GABPB1: variants seen among roughly 807,000 people sequenced by gnomAD.
GABPB1 encodes the protein GA binding protein transcription factor subunit beta 1.
GABPB1 carries 15 observed loss-of-function variants against 45.9 expected under a neutral mutation model. The ratio of observed to expected loss-of-function variants is 0.33; its 90% CI spans 0.22 to 0.50. The LOEUF is 0.50. GABPB1 is among the 20% of genes least tolerant of loss of function. The pLI, the probability that GABPB1 is intolerant of heterozygous loss-of-function variation, is 0.98. For missense variants in GABPB1, 252 were observed against 457.5 expected, an observed-to-expected ratio of 0.55 and a Z score of 4.10; for synonymous variants, 143 against 154.4, an observed-to-expected ratio of 0.93 and a Z score of 0.55.
intron 8 of GABPB1, among the ~76,000 whole-genome samples, chr15:50,281,360 C>CCT (rs2045966039): frequency 6.6e-6 from 1 of 151,870 alleles, no homozygotes; most frequent in African/African-American, 2.4e-5. Context: ...TATAGGCGCA[C>CCT]GCCACCATGC....
chr15:50,304,119 T>G lies in GABPB1; in HGVS notation c.123A>C (p.Pro41=). Residue 41 remains proline (P), a synonymous_variant, in exon 3 of 9, where the codon CCA becomes CCC. Transcript: ENST00000380877. Reference sequence around the variant, plus strand: ...GACCATACTGTGCTGCTAGATGAAGTGGAGAAGTTCCCAGCTGTACCACAG... The same window carrying G: ...GACCATACTGTGCTGCTAGATGAAGGGGAGAAGTTCCCAGCTGTACCACAG... ...PFTTDWLGTS[P]LHLAAQYGHY... is the part of the protein sequence containing the mutation. 1.3e-6 allele frequency: 2 copies of G among 1,592,236 alleles called. No homozygotes were observed. The highest frequency in any genetic ancestry group is 1.7e-6 in the Non-Finnish European group (2 of 1,172,248).
chr15:50,276,282 T>C lies in GABPB1; in HGVS notation c.*2350A>G, dbSNP rs2045838054. The C allele has an allele frequency of 1.3e-5, 2 of 152,256 alleles. No individual in the cohort carries two copies. Among genetic ancestry groups the C allele is most frequent in the African/African-American group, 2.4e-5 (1 of 41,470 alleles). The allele number at this position is 152,256 out of a possible 1,614,324, so 9.4% of individuals were successfully genotyped here. Reference sequence around the variant, plus strand: ...CCTCTGTTCAGAGCACTATTGAGAATGACTAGAATGCAAAGCTTTTACAGC... The same window carrying C: ...CCTCTGTTCAGAGCACTATTGAGAACGACTAGAATGCAAAGCTTTTACAGC... On this transcript the variant is annotated 3_prime_UTR_variant, in exon 9 of 9. Transcript: ENST00000380877.
At chr15:50,292,500 A>G (rs993098916) in intron 6 of GABPB1, among the ~76,000 whole-genome samples, 1 of 152,056 alleles carries the variant, frequency 6.6e-6, no homozygotes, top group Non-Finnish European at 1.5e-5. Context: ...ATCTACCTGA[A>G]AAGACCCGGC....
intron 2 of GABPB1, among the ~76,000 whole-genome samples, chr15:50,305,343 GTTGT>G (rs2046910123): frequency 7.6e-6 from 1 of 131,304 alleles, no homozygotes; most frequent in South Asian, 2.1e-4. Context: ...TTGTTTAATT[GTTGT>G]TTGTTTAATT....
At chr15:50,297,189 G>A (rs1299363656) in intron 6 of GABPB1, among the ~76,000 whole-genome samples, 1 of 150,154 alleles carries the variant, frequency 6.7e-6, no homozygotes, top group African/African-American at 2.5e-5. Context: ...GGGATTACAG[G>A]TGTGAGCCAC....
intron 1 of GABPB1, among the ~76,000 whole-genome samples, chr15:50,323,464 G>C (rs1266416984): frequency 6.6e-6 from 1 of 152,148 alleles, no homozygotes; most frequent in African/African-American, 2.4e-5. Context: ...GCAAGAAGTG[G>C]CTGAGGACCC....
At chr15:50,345,620 G>A (rs190736240) in intron 1 of GABPB1, among the ~76,000 whole-genome samples, 1 of 152,278 alleles carries the variant, frequency 6.6e-6, no homozygotes, top group South Asian at 2.1e-4. Context: ...TTTTTGAAAT[G>A]AAGAGAAATG....
At chr15:50,282,224 C>A in intron 8 of GABPB1, 1 of 444,834 alleles carries the variant, frequency 2.2e-6, no homozygotes, top group African/African-American at 2.1e-5. Flanking sequence ...TAAATACAAA[C>A]ATACATACAT....
intron 1 of GABPB1, among the ~76,000 whole-genome samples, chr15:50,342,964 G>A (rs918594831): frequency 2.3e-5 from 2 of 88,694 alleles, no homozygotes; most frequent in African/African-American, 4.7e-5. Flanking sequence ...GCAGTGGCAC[G>A]ATCTTGGCTC....
At chr15:50,332,393 C>G (rs2047978227) in intron 1 of GABPB1, among the ~76,000 whole-genome samples, 1 of 152,106 alleles carries the variant, frequency 6.6e-6, no homozygotes, top group Admixed American at 6.6e-5. Context: ...ACATAAGCAA[C>G]ACATCAACAA....
rs2048771228 is a variant in GABPB1 at position 50,350,297 on chromosome 15, C to T, written c.-1+4688G>A. ...TGAAAAGCAGAAATAGTACTACCCA[C>T]TTCATATGATTACCGTGGGGCTTAA... On this transcript the variant is annotated intron_variant, in intron 1 of 8. Transcript: ENST00000380877. The T allele has an allele frequency of 2.0e-5, 3 of 150,016 alleles. No homozygotes were observed. The Admixed American group carries it at 2.0e-4, about 10-fold the overall frequency. 9.3% of individuals were successfully genotyped at this position (150,016 alleles called of 1,614,324 possible).
chr15:50,331,478 G>T (rs1210457332), intron 1 of GABPB1, among the ~76,000 whole-genome samples: 1 of 152,158 alleles, frequency 6.6e-6, no homozygotes, highest in African/African-American at 2.4e-5. Context: ...TATGTTAAGC[G>T]CCCTGAGCTA....
Position 50,286,723 on chromosome 15 carries a change from C to G in GABPB1, c.884-540G>C, listed in dbSNP as rs77455651. Among the ~76,000 whole-genome samples the G allele has an allele frequency of 5.4e-3, 827 of 152,184 alleles. 6 individuals are homozygous for G. The highest frequency in any genetic ancestry group is 0.019 in the African/African-American group (792 of 41,534). Reference sequence around the variant, plus strand: ...GCATAATATCCACTAAGTGCATATTCCATTATGAGCACTGATAGTTCATAA... The same window carrying G: ...GCATAATATCCACTAAGTGCATATTGCATTATGAGCACTGATAGTTCATAA... On this transcript the variant is annotated intron_variant, in intron 7 of 8. Transcript: ENST00000380877.
At chr15:50,320,944 C>T (rs2047549166) in intron 1 of GABPB1, among the ~76,000 whole-genome samples, 2 of 152,166 alleles carry the variant, frequency 1.3e-5, no homozygotes, top group Non-Finnish European at 2.9e-5. Flanking sequence ...CCAGAAGGAA[C>T]AGTCCTGCCG....
At chr15:50,331,646 T>C (rs1264041022) in intron 1 of GABPB1, among the ~76,000 whole-genome samples, 1 of 152,204 alleles carries the variant, frequency 6.6e-6, no homozygotes, top group Non-Finnish European at 1.5e-5. Flanking sequence ...ATTTACATTG[T>C]TAAGAGGCTA....
intron 1 of GABPB1, chr15:50,327,355 TCA>T (rs1439247337): frequency 6.6e-6 from 1 of 152,228 alleles, no homozygotes; most frequent in Non-Finnish European, 1.5e-5. Context: ...TCTTACACAC[TCA>T]TTGCCTCATA....
chr15:50,278,620 T>C lies in GABPB1; in HGVS notation c.*12A>G, dbSNP rs1171144376. 1.9e-6 allele frequency: 3 copies of C among 1,608,148 alleles called. No homozygotes were observed. The highest frequency in any genetic ancestry group is 1.1e-5 in the South Asian group (1 of 89,978). On this transcript the variant is annotated 3_prime_UTR_variant, in exon 9 of 9. Transcript: ENST00000380877. ...TGACCAAAAGTAAAATCAAACTACATGTTCATTTCAATTAAACAGCTTCTT... is the reference window on the plus strand; with the variant it reads ...TGACCAAAAGTAAAATCAAACTACACGTTCATTTCAATTAAACAGCTTCTT...
intron 1 of GABPB1, among the ~76,000 whole-genome samples, chr15:50,336,972 G>A (rs1388550341): frequency 6.6e-6 from 1 of 150,768 alleles, no homozygotes; most frequent in Non-Finnish European, 1.5e-5. Flanking sequence ...TTGAGCCCAA[G>A]AGGTTGAGGC....
intron 1 of GABPB1, among the ~76,000 whole-genome samples, chr15:50,345,705 T>C (rs1463190478): frequency 7.5e-6 from 1 of 133,128 alleles, no homozygotes; most frequent in Non-Finnish European, 1.6e-5. Context: ...TACAGATGTC[T>C]GTACATTTTT....
Sources: gnomAD v4.1 joint callset for allele counts (sites outside exome capture counted in the v4.1 genomes callset) on GRCh38, gnomAD v4.1.1 for gene constraint, MANE v1.5 for transcripts, NCBI Gene and HGNC (gene_info 2026-07-23, HGNC 2026-07-21) for gene names.